SMG6: variants seen among roughly 807,000 people sequenced by gnomAD.
SMG6 encodes the protein SMG6 nonsense mediated mRNA decay factor.
A neutral mutation model predicts 142.2 loss-of-function variants in SMG6; 66 were observed. The observed-to-expected ratio is 0.46, with a 90% CI of 0.38 to 0.57. The LOEUF (loss-of-function observed/expected upper bound fraction) is 0.57. Ranked by LOEUF, SMG6 falls within the 20% of genes least tolerant of loss-of-function variation. The pLI is 0.00. For synonymous variants in SMG6, 779 were observed against 702.4 expected, an observed-to-expected ratio of 1.11 and a Z score of -1.72; for missense variants, 1,793 against 1,832.0, an observed-to-expected ratio of 0.98 and a Z score of 0.39.
intron 8 of SMG6, chr17:2,256,035 C>T (rs1307632821): frequency 5.6e-6 from 1 of 178,394 alleles, no homozygotes; most frequent in South Asian, 1.5e-4. Context: ...TACCCAGAGA[C>T]ACAAACACTG....
chr17:2,303,583 G>A (rs2075339909), intron 1 of SMG6, 50 bp downstream of exon 1: 11 of 1,376,034 alleles, frequency 8.0e-6, no homozygotes, highest in Non-Finnish European at 1.0e-5. Context: ...GAGGAGGAGA[G>A]GGAGGCGGGG....
intron 8 of SMG6, among the ~76,000 whole-genome samples, chr17:2,261,032 C>T (rs917708123): frequency 4.0e-5 from 6 of 151,172 alleles, no homozygotes; most frequent in East Asian, 1.9e-4. Flanking sequence ...AAAAGTCGGG[C>T]GCGGTGGCTC....
chr17:2,108,708 A>C (rs1315130609), intron 13 of SMG6, among the ~76,000 whole-genome samples: 1 of 152,130 alleles, frequency 6.6e-6, no homozygotes, highest in Non-Finnish European at 1.5e-5. Flanking sequence ...TGGGAGGCCA[A>C]GGTGGGTGGA....
chr17:2,121,781 T>A (rs2069710415), intron 13 of SMG6, among the ~76,000 whole-genome samples: 1 of 152,082 alleles, frequency 6.6e-6, no homozygotes. Context: ...TACATTTGGC[T>A]AATTTTTGTA....
chr17:2,166,122 GA>G (rs2071331075), intron 13 of SMG6, among the ~76,000 whole-genome samples: 1 of 152,064 alleles, frequency 6.6e-6, no homozygotes. Context: ...TGAGGCAGGA[GA>G]ATCACTTGAA....
At chr17:2,268,107 G>A (rs144167810) in intron 8 of SMG6, among the ~76,000 whole-genome samples, 35 of 152,082 alleles carry the variant, frequency 2.3e-4, no homozygotes, top group African/African-American at 8.2e-4. Context: ...ATCTCATTAT[G>A]TTGCCTAGGC....
chr17:2,129,095 C>A (rs1250812723), intron 13 of SMG6, among the ~76,000 whole-genome samples: 2 of 152,098 alleles, frequency 1.3e-5, no homozygotes, highest in Non-Finnish European at 2.9e-5. Flanking sequence ...CACCTGTAAT[C>A]CCAGCATTTT....
At chr17:2,250,883 C>T (rs1271696254) in intron 8 of SMG6, among the ~76,000 whole-genome samples, 1 of 152,056 alleles carries the variant, frequency 6.6e-6, no homozygotes, top group Non-Finnish European at 1.5e-5. Context: ...AGGATGTGGG[C>T]GCACTGGTGA....
At chr17:2,110,978 C>G (rs911501433) in intron 13 of SMG6, among the ~76,000 whole-genome samples, 2 of 152,206 alleles carry the variant, frequency 1.3e-5, no homozygotes, top group African/African-American at 4.8e-5. Flanking sequence ...CCGCTACGCC[C>G]ACCTTCAGTG....
intron 8 of SMG6, among the ~76,000 whole-genome samples, chr17:2,274,298 C>T (rs1278646614): frequency 3.9e-5 from 6 of 152,162 alleles, no homozygotes; most frequent in Admixed American, 2.6e-4. Context: ...CTTTACAATC[C>T]TAGCACAAAA....
intron 10 of SMG6, among the ~76,000 whole-genome samples, chr17:2,197,218 G>A (rs6503324): frequency 0.39 from 59,301 of 152,026 alleles, 12,079 homozygotes; most frequent in African/African-American, 0.49. Context: ...AGGAAAATCT[G>A]TTTGTAAACC....
At chr17:2,302,261 T>C (rs2075296595) in intron 1 of SMG6, among the ~76,000 whole-genome samples, 1 of 125,948 alleles carries the variant, frequency 7.9e-6, no homozygotes, top group Non-Finnish European at 1.7e-5. Context: ...TCAAAAAAAT[T>C]GGCCGGGCAC....
intron 8 of SMG6, among the ~76,000 whole-genome samples, chr17:2,277,634 C>G (rs890451935): frequency 2.0e-5 from 3 of 152,150 alleles, no homozygotes; most frequent in African/African-American, 7.2e-5. Context: ...TTGCACAGCA[C>G]AGCAATTTTT....
intron 8 of SMG6, among the ~76,000 whole-genome samples, chr17:2,252,322 C>G (rs2074064857): frequency 6.6e-6 from 1 of 151,840 alleles, no homozygotes; most frequent in South Asian, 2.1e-4. Flanking sequence ...ATTGCTTGAA[C>G]CTGGGAGGTG....
intron 10 of SMG6, among the ~76,000 whole-genome samples, chr17:2,234,072 G>A (rs938188578): frequency 2.6e-5 from 4 of 152,064 alleles, no homozygotes; most frequent in Admixed American, 1.3e-4. Flanking sequence ...ATGAAAAGTA[G>A]GGTCTCAAGT....
chr17:2,232,395 TA>T (rs1357664582), intron 10 of SMG6, among the ~76,000 whole-genome samples: 3 of 152,080 alleles, frequency 2.0e-5, no homozygotes, highest in Non-Finnish European at 2.9e-5. Context: ...TTAGAGAGAT[TA>T]TCAGTTATGA....
In SMG6 at chr17:2,065,608, C is replaced by T. The variant is rs1323612012; in HGVS notation, c.3907G>A (p.Val1303Ile). ...DHRAGGYARV[V>I]QEKARKSIEF... ...ATGGACTTGCGGGCCTTCTCTTGTA[C>T]CACACGGGCGTAGCCCCCAGCCCGG... is the stretch of plus-strand genomic sequence containing the variant. Residue 1303 changes from valine to isoleucine, a missense_variant, in exon 17 of 19, where the codon GTA (valine) becomes ATA (isoleucine). Physicochemically the swap from Val to Ile is conservative, Grantham distance 29. Coordinates refer to ENST00000263073, the MANE Select transcript of SMG6 (RefSeq NM_017575.5). 1 of 1,614,078 alleles carries T rather than the reference C, an allele frequency of 6.2e-7. No individual in the cohort carries two copies. The highest frequency in any genetic ancestry group is 8.5e-7 in the Non-Finnish European group (1 of 1,180,044).
intron 10 of SMG6, among the ~76,000 whole-genome samples, chr17:2,200,331 T>G (rs975080227): frequency 6.6e-6 from 1 of 152,168 alleles, no homozygotes; most frequent in East Asian, 1.9e-4. Flanking sequence ...ATACCTTTTT[T>G]AAAAACGTGA....
chr17:2,266,232 G>C, intron 8 of SMG6: 6 of 965,620 alleles, frequency 6.2e-6, no homozygotes, highest in Non-Finnish European at 7.4e-6. Flanking sequence ...AGGTCACGTG[G>C]GGTGGAAAGT....
Sources: gnomAD v4.1 joint callset for allele counts (sites outside exome capture counted in the v4.1 genomes callset) on GRCh38, gnomAD v4.1.1 for gene constraint, MANE v1.5 for transcripts, NCBI Gene and HGNC (gene_info 2026-07-23, HGNC 2026-07-21) for gene names.